The following PCDHA1 variants were observed in gnomAD, a reference collection of about 807,000 sequenced individuals.
PCDHA1 encodes protocadherin alpha 1, also known as protocadherin alpha-1.
PCDHA1 carries 42 observed loss-of-function variants against 61.3 expected under a neutral mutation model. The observed-to-expected ratio is 0.69, with a 90% CI of 0.54 to 0.89. The LOEUF (loss-of-function observed/expected upper bound fraction) is 0.89, where lower values mean the gene tolerates loss of function less well. PCDHA1 is among the 40% of genes least tolerant of loss of function. PCDHA1 has a pLI of 0.00. For missense variants in PCDHA1, 1,256 were observed against 1,235.3 expected (o/e 1.02, Z -0.25); for synonymous variants, 610 against 553.8 (o/e 1.10, Z -1.43).
At chr5:140,870,552 G>T in intron 1 of PCDHA1, 4 of 1,614,042 alleles carry the variant, frequency 2.5e-6, no homozygotes, top group Non-Finnish European at 2.5e-6. Flanking sequence ...ACGCGGACGC[G>T]CAGGAGAACG....
At chr5:140,898,816 C>T (rs1216644860) in intron 1 of PCDHA1, among the ~76,000 whole-genome samples, 5 of 152,148 alleles carry the variant, frequency 3.3e-5, no homozygotes, top group African/African-American at 1.2e-4. Context: ...TTCTTCCTAC[C>T]CATGAGCATG....
At chr5:140,978,798 G>T (rs1249216156) in intron 1 of PCDHA1, 151 bp from the exon 2 acceptor site, 2 of 1,477,414 alleles carry the variant, frequency 1.4e-6, no homozygotes, top group Admixed American at 2.3e-5. Context: ...TATATATGTA[G>T]ATATCATCAT....
Position 140,787,718 on chromosome 5 carries a change from G to T in PCDHA1, c.1428G>T (p.Thr476=), listed in dbSNP as rs377692615. The T allele has an allele frequency of 7.4e-6, 12 of 1,613,706 alleles. No individual in the cohort carries two copies. Among genetic ancestry groups the T allele is most frequent in the African/African-American group, 1.3e-5 (1 of 74,928 alleles). The change falls in exon 1 of 4, where the codon ACG becomes ACT. Residue 476 remains threonine (T), a synonymous_variant. Coordinates refer to ENST00000504120, the MANE Select transcript of PCDHA1 (RefSeq NM_018900.4). ...ACCCGCCGGGCTGCCACATCTTCAC[G>T]GTGTCTGCGCGGGACGCGGACGCGC... ...ENNPPGCHIF[T]VSARDADAQE...
In PCDHA1 at chr5:140,830,599, CAT is replaced by C. The variant is rs1289049837; in HGVS notation, c.2394+41918_2394+41919del. On this transcript the variant is annotated intron_variant, in intron 1 of 3. Coordinates refer to ENST00000504120, the MANE Select transcript of PCDHA1 (RefSeq NM_018900.4). ...ATTTTTAATTAATTTTACAAAATTA[CAT>C]ATTTTCATTTTATTGTGTTTCTTAT... The C allele has an allele frequency of 6.0e-6, 4 of 668,838 alleles. No individual in the cohort carries two copies. The African/African-American group carries it at 7.6e-5, about 13-fold the overall frequency. The allele number at this position is 668,838 out of a possible 1,614,324, so 41.4% of individuals were successfully genotyped here. A position where few individuals can be genotyped will look rare whatever the true frequency, so the allele number is the denominator to read the frequency against.
chr5:140,830,986 C>T (rs1391216672), intron 1 of PCDHA1: 8 of 152,242 alleles, frequency 5.3e-5, no homozygotes, highest in Admixed American at 5.2e-4. Context: ...GAACTCTGAT[C>T]ATCATAGTTT....
chr5:140,809,384 G>A (rs1379248044), intron 1 of PCDHA1: 1 of 1,614,062 alleles, frequency 6.2e-7, no homozygotes, highest in Non-Finnish European at 8.5e-7. Context: ...GGGCGCGTGC[G>A]CTCCGGGCAA....
At chr5:140,830,772 A>G in intron 1 of PCDHA1, 1 of 169,878 alleles carries the variant, frequency 5.9e-6, no homozygotes, top group Non-Finnish European at 1.2e-5. Flanking sequence ...GAATCATAGT[A>G]GCATTTTTTT....
At chr5:140,941,214 C>CTTTCTTTCTTTCTTTTT (rs1554214039) in intron 1 of PCDHA1, among the ~76,000 whole-genome samples, 1 of 122,414 alleles carries the variant, frequency 8.2e-6, no homozygotes, top group East Asian at 2.3e-4. Context: ...TTTCTTTCTT[C>CTTTCTTTCTTTCTTTTT]CTTTCTTTCT....
intron 1 of PCDHA1, among the ~76,000 whole-genome samples, chr5:140,918,414 T>G (rs2078683449): frequency 6.6e-6 from 1 of 152,198 alleles, no homozygotes; most frequent in African/African-American, 2.4e-5. Context: ...TGGCCAGGAC[T>G]TCCAGTAGGA....
intron 1 of PCDHA1, among the ~76,000 whole-genome samples, chr5:140,903,665 G>A (rs2070490056): frequency 6.6e-6 from 1 of 152,156 alleles, no homozygotes; most frequent in African/African-American, 2.4e-5. Context: ...AAATTTAACT[G>A]ATATAAAAGA....
chr5:140,986,950 A>G (rs1161887732), intron 3 of PCDHA1, among the ~76,000 whole-genome samples: 1 of 152,282 alleles, frequency 6.6e-6, no homozygotes, highest in East Asian at 1.9e-4. Context: ...GTGGTCGCTC[A>G]TGCCTGTAAT....
chr5:140,797,793 A>G (rs1426108455), intron 1 of PCDHA1, among the ~76,000 whole-genome samples: 2 of 152,174 alleles, frequency 1.3e-5, no homozygotes, highest in Non-Finnish European at 2.9e-5. Flanking sequence ...CATTTCTTAG[A>G]TTGTTCTTTG....
At chr5:140,974,799 A>G (rs116037205) in intron 1 of PCDHA1, among the ~76,000 whole-genome samples, 2 of 152,294 alleles carry the variant, frequency 1.3e-5, no homozygotes, top group African/African-American at 2.4e-5. Context: ...TCATTTTGAT[A>G]TACTAGAAGA....
rs551502223 is a variant in PCDHA1 at position 140,976,924 on chromosome 5, T to G, written c.2395-2025T>G. ...TGTAATAAAGTGCAAAATCTAGTAC[T>G]GTGTAGCTACTTAAAACATATTATA... is the stretch of plus-strand genomic sequence containing the variant. On this transcript the variant is annotated intron_variant, in intron 1 of 3. Coordinates refer to ENST00000504120, the MANE Select transcript of PCDHA1 (RefSeq NM_018900.4). 1.6e-4 allele frequency among the ~76,000 whole-genome samples: 25 copies of G among 152,364 alleles called. No homozygotes were observed. In the South Asian group the frequency reaches 5.2e-3, roughly 32 times the overall value.
intron 3 of PCDHA1, among the ~76,000 whole-genome samples, chr5:140,994,916 G>C (rs191112964): frequency 2.0e-5 from 3 of 152,332 alleles, no homozygotes; most frequent in Admixed American, 1.3e-4. Context: ...ACTGGAATCA[G>C]ATTTTGTAGG....
intron 1 of PCDHA1, chr5:140,856,542 C>T (rs1229307542): frequency 6.3e-7 from 1 of 1,598,136 alleles, no homozygotes; most frequent in Non-Finnish European, 8.6e-7. Flanking sequence ...GGAGAGAACG[C>T]ATTGCTTACT....
rs2041332150 is a variant in PCDHA1, at chr5:140,850,080, G to T, written c.2394+61396G>T. 56 of 1,596,464 alleles carry T rather than the reference G, an allele frequency of 3.5e-5. 4 individuals are homozygous for T. Among genetic ancestry groups the T allele is most frequent in the Non-Finnish European group, 4.6e-5 (54 of 1,167,848 alleles). ...GCAGCCGTTGGACCACGAGGAGCTG[G>T]AGCTGCTACAGTTCCAGGTGAGCGC... On this transcript the variant is annotated intron_variant, in intron 1 of 3. Coordinates refer to ENST00000504120, the MANE Select transcript of PCDHA1 (RefSeq NM_018900.4).
At chr5:140,966,350 A>C in intron 1 of PCDHA1, 1 of 397,418 alleles carries the variant, frequency 2.5e-6, no homozygotes, top group Non-Finnish European at 4.4e-6. Flanking sequence ...GGTGAAGGAG[A>C]TGGGGCTGGA....
intron 1 of PCDHA1, among the ~76,000 whole-genome samples, chr5:140,844,595 AT>A (rs1205514835): frequency 1.2e-4 from 18 of 149,668 alleles, no homozygotes; most frequent in Middle Eastern, 3.5e-3. Context: ...GATATTTAAT[AT>A]ATGACTTAGA....
Sources: gnomAD v4.1 joint callset for allele counts (sites outside exome capture counted in the v4.1 genomes callset) on GRCh38, gnomAD v4.1.1 for gene constraint, MANE v1.5 for transcripts, NCBI Gene and HGNC (gene_info 2026-07-23, HGNC 2026-07-21) for gene names.